Variants in DACH1 observed in about 807,000 individuals in gnomAD.
DACH1 encodes the protein dachshund family transcription factor 1.
DACH1 carries 12 observed loss-of-function variants against 54.2 expected under a neutral mutation model. That is an observed-to-expected ratio of 0.22 (90% CI 0.14 to 0.36). The LOEUF (loss-of-function observed/expected upper bound fraction) is 0.36. Ranked by LOEUF, DACH1 falls within the 10% of genes least tolerant of loss-of-function variation. The pLI is 1.00. For synonymous variants in DACH1, 386 were observed against 366.2 expected (o/e 1.05, Z -0.62); for missense variants, 805 against 929.8 (o/e 0.87, Z 1.75).
chr13:71,575,218 T>C (rs573373487), intron 3 of DACH1, among the ~76,000 whole-genome samples: 39 of 152,160 alleles, frequency 2.6e-4, no homozygotes, highest in African/African-American at 9.1e-4. Flanking sequence ...ATTATTTTAA[T>C]ATAGAAATTG....
At chr13:71,748,650 T>C (rs1884715293) in intron 1 of DACH1, among the ~76,000 whole-genome samples, 1 of 152,162 alleles carries the variant, frequency 6.6e-6, no homozygotes, top group Admixed American at 6.5e-5. Context: ...GTGTCTGCCC[T>C]GTATAAGCTA....
intron 10 of DACH1, among the ~76,000 whole-genome samples, chr13:71,446,839 G>A (rs1487866900): frequency 2.6e-5 from 4 of 152,154 alleles, no homozygotes; most frequent in Non-Finnish European, 4.4e-5. Flanking sequence ...TTCTTACAGC[G>A]TAGTTTCAAA....
intron 6 of DACH1, among the ~76,000 whole-genome samples, chr13:71,492,139 A>G (rs1879031551): frequency 6.6e-6 from 1 of 152,170 alleles, no homozygotes; most frequent in African/African-American, 2.4e-5. Context: ...GTATACTTAC[A>G]GAAAAGTTAC....
chr13:71,769,203 A>G (rs1005952119), intron 1 of DACH1, among the ~76,000 whole-genome samples: 24 of 151,786 alleles, frequency 1.6e-4, no homozygotes, highest in African/African-American at 5.1e-4. Context: ...TTTGTCATCT[A>G]TGTACCACAT....
chr13:71,773,137 A>C (rs1489260644), intron 1 of DACH1, among the ~76,000 whole-genome samples: 1 of 151,872 alleles, frequency 6.6e-6, no homozygotes, highest in Non-Finnish European at 1.5e-5. Context: ...CGGAAAATTT[A>C]GGTAGAAATA....
At chr13:71,610,796 C>A (rs1875272909) in intron 3 of DACH1, among the ~76,000 whole-genome samples, 1 of 152,154 alleles carries the variant, frequency 6.6e-6, no homozygotes, top group South Asian at 2.1e-4. Context: ...TCAACTGTTT[C>A]TAGAACTTCT....
chr13:71,797,329 A>G (rs542254682), intron 1 of DACH1, among the ~76,000 whole-genome samples: 25 of 152,254 alleles, frequency 1.6e-4, no homozygotes, highest in African/African-American at 5.8e-4. Flanking sequence ...ATGTGATGTG[A>G]TCAAAAAAAT....
intron 3 of DACH1, among the ~76,000 whole-genome samples, chr13:71,576,045 T>C (rs1201503994): frequency 6.7e-6 from 1 of 148,894 alleles, no homozygotes; most frequent in African/African-American, 2.5e-5. Flanking sequence ...ATTAGCACGA[T>C]ATAAACCAGT....
At chr13:71,796,677 A>T (rs1193841955) in intron 1 of DACH1, among the ~76,000 whole-genome samples, 1 of 152,136 alleles carries the variant, frequency 6.6e-6, no homozygotes, top group African/African-American at 2.4e-5. Context: ...ACATAAAGAA[A>T]ATCTCATAAA....
chr13:71,475,695 C>A lies in DACH1; in HGVS notation c.2014+11G>T. ...TGACAGTTATTCATGCAATAATATA[C>A]ACCCTCTTACCATTTAAGACCCTGA... On this transcript the variant is annotated intron_variant, in intron 9 of 10. Coordinates refer to ENST00000613252, the MANE Select transcript of DACH1 (RefSeq NM_080759.6). The A allele has an allele frequency of 6.2e-7, 1 of 1,601,798 alleles. No homozygotes were observed. Among genetic ancestry groups the A allele is most frequent in the Middle Eastern group, 1.7e-4 (1 of 5,998 alleles).
chr13:71,795,975 T>C (rs1351475616), intron 1 of DACH1, among the ~76,000 whole-genome samples: 1 of 152,148 alleles, frequency 6.6e-6, no homozygotes, highest in Non-Finnish European at 1.5e-5. Flanking sequence ...GAGAGCGTTA[T>C]GAGACATGAA....
At chr13:71,656,439 A>G (rs538684928) in intron 2 of DACH1, among the ~76,000 whole-genome samples, 1 of 152,240 alleles carries the variant, frequency 6.6e-6, no homozygotes, top group East Asian at 1.9e-4. Context: ...TAGCTCCTTA[A>G]CCCTGTGAAA....
intron 1 of DACH1, among the ~76,000 whole-genome samples, chr13:71,766,166 G>A (rs1373639539): frequency 6.6e-6 from 1 of 152,090 alleles, no homozygotes; most frequent in Non-Finnish European, 1.5e-5. Context: ...GATTACAGGC[G>A]TGAGCCACCA....
rs80222199 is a variant in DACH1 at position 71,852,268 on chromosome 13, C to T, written c.848+13654G>A. 8.9e-3 allele frequency among the ~76,000 whole-genome samples: 1,362 copies of T among 152,220 alleles called. 20 individuals are homozygous for T. The highest frequency in any genetic ancestry group is 0.032 in the African/African-American group (1,317 of 41,532). ...AGTTCAGTCCCTTCCTTGCTCTTCG[C>T]GACCACCCCTCCATCTGAGATGAAT... On this transcript the variant is annotated intron_variant, in intron 1 of 10. Coordinates refer to ENST00000613252, the MANE Select transcript of DACH1 (RefSeq NM_080759.6).
intron 1 of DACH1, among the ~76,000 whole-genome samples, chr13:71,694,163 T>G (rs1244571100): frequency 1.3e-5 from 2 of 151,906 alleles, no homozygotes; most frequent in Non-Finnish European, 2.9e-5. Context: ...CTGGAGAAAA[T>G]GTACATAACT....
intron 1 of DACH1, among the ~76,000 whole-genome samples, chr13:71,811,600 C>A (rs1351395461): frequency 6.6e-6 from 1 of 152,146 alleles, no homozygotes; most frequent in Non-Finnish European, 1.5e-5. Context: ...TATGGAGAAA[C>A]TCTTGGAATA....
intron 2 of DACH1, among the ~76,000 whole-genome samples, chr13:71,670,723 A>G (rs968850213): frequency 2.0e-5 from 3 of 152,078 alleles, no homozygotes; most frequent in African/African-American, 4.8e-5. Context: ...ATGGCATTGA[A>G]TAAGACTGGG....
At chr13:71,743,941 C>A (rs1884505112) in intron 1 of DACH1, among the ~76,000 whole-genome samples, 1 of 152,164 alleles carries the variant, frequency 6.6e-6, no homozygotes. Flanking sequence ...AGCCCCCAAC[C>A]CTGGAAAGTA....
chr13:71,861,907 CAAAAAA>C (rs71126514), intron 1 of DACH1, among the ~76,000 whole-genome samples: 6 of 86,484 alleles, frequency 6.9e-5, no homozygotes, highest in South Asian at 4.2e-4. Flanking sequence ...AACTCCTAAC[CAAAAAA>C]AAAAAAAAAA....
Sources: gnomAD v4.1 joint callset for allele counts (sites outside exome capture counted in the v4.1 genomes callset) on GRCh38, gnomAD v4.1.1 for gene constraint, MANE v1.5 for transcripts, NCBI Gene and HGNC (gene_info 2026-07-23, HGNC 2026-07-21) for gene names.